DST: variants seen among roughly 807,000 people sequenced by gnomAD.
The protein encoded by DST is bullous pemphigoid antigen.
In DST, 253 loss-of-function variants were observed where a neutral mutation model predicts 875.2. The ratio of observed to expected loss-of-function variants is 0.29; its 90% confidence interval spans 0.26 to 0.32. The LOEUF is 0.32. Ranked by LOEUF, DST falls within the 10% of genes least tolerant of loss-of-function variation. The probability of loss-of-function intolerance (pLI) is 1.00; values close to 1 mark genes in which losing one functional copy is unlikely to be tolerated. For missense variants in DST, 8,287 were observed against 9,111.6 expected (o/e 0.91, Z 3.68); for synonymous variants, 3,124 against 3,197.1 (o/e 0.98, Z 0.77).
At chr6:56,947,314 G>A (rs767521794) in intron 2 of DST, among the ~76,000 whole-genome samples, 5 of 147,002 alleles carry the variant, frequency 3.4e-5, no homozygotes, top group Non-Finnish European at 7.4e-5. Context: ...GCAGTGGCAC[G>A]ATCTTGGCTC....
rs946839989 is a variant in DST, at chr6:56,497,317, G to T, written c.20223+62C>A. ...CTCCCACGATTTATGTATCGCCAGG[G>T]CCCATATAACATGGTCAGTTTGTTA... On this transcript the variant is annotated intron_variant, in intron 82 of 103. Transcript: ENST00000680361. 15 of 1,568,712 alleles carry T rather than the reference G, an allele frequency of 9.6e-6. No individual in the cohort carries two copies. The African/African-American group carries it at 2.0e-4, about 21-fold the overall frequency.
At chr6:56,917,847 C>T (rs1451922631) in intron 2 of DST, among the ~76,000 whole-genome samples, 2 of 152,040 alleles carry the variant, frequency 1.3e-5, no homozygotes, top group Non-Finnish European at 2.9e-5. Flanking sequence ...TTTGATTTTT[C>T]CTTTTTAAAG....
chr6:56,759,318 G>A (rs143482935), intron 4 of DST, among the ~76,000 whole-genome samples: 110 of 152,170 alleles, frequency 7.2e-4, no homozygotes, highest in East Asian at 1.5e-3. Context: ...AGGCATGGTG[G>A]CACATGCCTG....
intron 60 of DST, among the ~76,000 whole-genome samples, chr6:56,554,329 C>A (rs1159404006): frequency 6.6e-6 from 1 of 151,982 alleles, no homozygotes; most frequent in South Asian, 2.1e-4. Flanking sequence ...CGTGATCCGC[C>A]GGCCTCGGCC....
intron 77 of DST, 119 bp downstream of exon 77, chr6:56,506,324 T>A: frequency 1.4e-6 from 1 of 703,068 alleles, no homozygotes. Flanking sequence ...ACTGCAGGAA[T>A]AATTTGCCCA....
At chr6:56,690,820 G>C (rs534310605) in intron 9 of DST, among the ~76,000 whole-genome samples, 1 of 152,286 alleles carries the variant, frequency 6.6e-6, no homozygotes, top group East Asian at 1.9e-4. Flanking sequence ...TTAAGAAACA[G>C]AGTCAAACAC....
chr6:56,633,116 G>A, intron 27 of DST, 79 bp from the exon 28 acceptor site: 1 of 1,098,580 alleles, frequency 9.1e-7, no homozygotes, highest in Non-Finnish European at 1.4e-6. Flanking sequence ...CTGGTCGTGT[G>A]GTATATGCCA....
intron 2 of DST, among the ~76,000 whole-genome samples, chr6:56,953,176 T>C (rs1823238470): frequency 6.6e-6 from 1 of 152,212 alleles, no homozygotes; most frequent in South Asian, 2.1e-4. Flanking sequence ...CAAGGAGCGC[T>C]TGTGTTTCTT....
At chr6:56,818,279 A>AC (rs1426007099) in intron 4 of DST, among the ~76,000 whole-genome samples, 2 of 152,072 alleles carry the variant, frequency 1.3e-5, no homozygotes, top group African/African-American at 4.8e-5. Context: ...AAAAACAAGG[A>AC]CCACTGTTAT....
chr6:56,761,926 T>C (rs2099618085), intron 4 of DST, among the ~76,000 whole-genome samples: 1 of 152,236 alleles, frequency 6.6e-6, no homozygotes, highest in African/African-American at 2.4e-5. Context: ...TAGTGCACCT[T>C]ATAGCTGAGT....
At chr6:56,861,916 G>C (rs1280919866) in intron 3 of DST, 2 of 152,110 alleles carry the variant, frequency 1.3e-5, no homozygotes, top group Non-Finnish European at 2.9e-5. Flanking sequence ...AGAACCTGAG[G>C]TGAGTTGAAA....
intron 72 of DST, among the ~76,000 whole-genome samples, chr6:56,514,606 C>CACACACACACACACAA (rs1554275995): frequency 1.4e-4 from 21 of 146,744 alleles, no homozygotes; most frequent in African/African-American, 5.1e-4. Flanking sequence ...CACACACACA[C>CACACACACACACACAA]ACACACCCCC....
At chr6:56,691,336 T>C (rs2152858934) in intron 9 of DST, among the ~76,000 whole-genome samples, 1 of 152,258 alleles carries the variant, frequency 6.6e-6, no homozygotes, top group African/African-American at 2.4e-5. Context: ...TAAACAGAAC[T>C]GATGGCATAA....
chr6:56,460,223 A>G lies in DST; in HGVS notation c.23102T>C (p.Leu7701Pro). Reference protein sequence around the residue: ...GTPIQGSKLRLPGYLSGKGFH... With the variant: ...GTPIQGSKLRPPGYLSGKGFH... ...GCCTTTCCCTGATAAATATCCTGGA[A>G]GTCGAAGCTTGCTTCCTTGTATTGG... Residue 7701 changes from leucine to proline, a missense_variant, in exon 103 of 104, where the codon CTT (leucine) becomes CCT (proline). Physicochemically the swap from Leu to Pro is moderately conservative, Grantham distance 98 (BLOSUM62 -3). Transcript: ENST00000680361. 6.2e-7 allele frequency: 1 copy of G among 1,613,996 alleles called. No homozygotes were observed. The highest frequency in any genetic ancestry group is 2.2e-5 in the East Asian group (1 of 44,882).
intron 3 of DST, among the ~76,000 whole-genome samples, chr6:56,877,274 C>T (rs912326984): frequency 9.9e-5 from 15 of 152,284 alleles, no homozygotes; most frequent in Admixed American, 2.0e-4. Context: ...GTTATTTGGC[C>T]GGGCTCAGTG....
chr6:56,658,651 G>A (rs1376004211), intron 10 of DST, among the ~76,000 whole-genome samples: 2 of 150,264 alleles, frequency 1.3e-5, no homozygotes, highest in African/African-American at 2.5e-5. Context: ...TGATGCTTTG[G>A]TATGCTACAT....
chr6:56,552,191 A>T lies in DST; in HGVS notation c.16601T>A (p.Met5534Lys), dbSNP rs751887809. 6.2e-7 allele frequency: 1 copy of T among 1,605,126 alleles called. No homozygotes were observed. The highest frequency in any genetic ancestry group is 1.3e-5 in the African/African-American group (1 of 74,406). Residue 5534 changes from methionine (M) to lysine (K), a missense_variant, in exon 61 of 104, where the codon ATG becomes AAG. Physicochemically the swap from Met to Lys is moderately conservative, Grantham distance 95. Around this residue, in one of 10 missense-constraint regions of DST, gnomAD observed 777 missense variants for 764.8 expected, o/e 1.02. Transcript: ENST00000680361. ...AAATGAAGAGTTCCCTACCTTGAAC[A>T]TGTTAAGCTGCTGATTAATTGTCTC... ...ETETINQQLN[M>K]FKVFQKEEIE...
intron 5 of DST, among the ~76,000 whole-genome samples, chr6:56,713,695 T>G (rs1344367497): frequency 6.6e-6 from 1 of 152,204 alleles, no homozygotes; most frequent in Non-Finnish European, 1.5e-5. Context: ...CCGGTGTCCC[T>G]TTCAGAGCAT....
intron 29 of DST, 118 bp from the exon 30 acceptor site, chr6:56,631,507 ATTCT>A (rs2098779716): frequency 1.1e-5 from 9 of 828,492 alleles, no homozygotes; most frequent in Admixed American, 2.4e-5. Flanking sequence ...AAATCTACAT[ATTCT>A]TTGTTTGTTA....
Sources: allele counts gnomAD v4.1 joint callset (sites outside exome capture counted in the v4.1 genomes callset), GRCh38; gene constraint gnomAD v4.1.1; regional missense constraint gnomAD v4.1.1; transcripts MANE v1.5; gene names NCBI Gene and HGNC (gene_info 2026-07-23, HGNC 2026-07-21).